The following EXOC4 variants were observed in gnomAD, a reference collection of about 807,000 sequenced individuals.
The protein encoded by EXOC4 is SEC8-like 1.
Under a neutral mutation model 107.2 loss-of-function variants are expected in EXOC4, and 71 were observed. The ratio of observed to expected loss-of-function variants is 0.66; its 90% CI spans 0.55 to 0.81. EXOC4 has a LOEUF of 0.81. Among genes scored for constraint, EXOC4 ranks in the 30% least tolerant of loss-of-function variants. EXOC4 has a pLI of 0.00. For synonymous variants in EXOC4, 456 were observed against 441.2 expected (o/e 1.03, Z -0.42); for missense variants, 1,108 against 1,189.6 (o/e 0.93, Z 1.01).
At chr7:133,277,859 T>TA (rs1794033582) in intron 2 of EXOC4, among the ~76,000 whole-genome samples, 1 of 152,232 alleles carries the variant, frequency 6.6e-6, no homozygotes, top group South Asian at 2.1e-4. Flanking sequence ...GTTTTCTCAC[T>TA]AATCTTTTCC....
At chr7:133,420,966 G>GA (rs995290693) in intron 7 of EXOC4, among the ~76,000 whole-genome samples, 48 of 147,382 alleles carry the variant, frequency 3.3e-4, no homozygotes, top group East Asian at 2.2e-3. Context: ...TTGGGCTTAA[G>GA]AAAAAAAAAA....
In EXOC4 at chr7:133,368,675, AACTGGTATTTATACC is replaced by A. The variant is rs532286406; in HGVS notation, c.1008-6150_1008-6136del. 2.8e-3 allele frequency among the ~76,000 whole-genome samples: 434 copies of A among 152,346 alleles called. 5 individuals carry two copies. Among genetic ancestry groups the A allele is most frequent in the Non-Finnish European group, 1.8e-3 (122 of 68,026 alleles). On this transcript the variant is annotated intron_variant, in intron 6 of 17. Coordinates refer to ENST00000253861, the MANE Select transcript of EXOC4 (RefSeq NM_021807.4). ...AGCTGGTATTCAAGTCCAGGTTTCT[AACTGGTATTTATACC>A]ACATTGCCATCTAGGATTAATATTT...
At chr7:133,294,145 G>A (rs1794466482) in intron 3 of EXOC4, among the ~76,000 whole-genome samples, 1 of 152,172 alleles carries the variant, frequency 6.6e-6, no homozygotes, top group Admixed American at 6.6e-5. Flanking sequence ...CACTCCAGCT[G>A]CTGGTTCTAA....
intron 3 of EXOC4, among the ~76,000 whole-genome samples, chr7:133,302,920 C>T (rs899899513): frequency 6.6e-6 from 1 of 152,194 alleles, no homozygotes; most frequent in African/African-American, 2.4e-5. Flanking sequence ...ACTTCCCATA[C>T]ATTAAAACAA....
chr7:133,971,802 C>A (rs1801245874), intron 14 of EXOC4, among the ~76,000 whole-genome samples: 1 of 152,150 alleles, frequency 6.6e-6, no homozygotes, highest in African/African-American at 2.4e-5. Context: ...CTCTTTATCA[C>A]CAGTGGCAGT....
chr7:133,394,508 T>A (rs1796927435), intron 7 of EXOC4, among the ~76,000 whole-genome samples: 1 of 152,170 alleles, frequency 6.6e-6, no homozygotes, highest in Admixed American at 6.6e-5. Flanking sequence ...TGCATTTCAC[T>A]GGAGGGGCAG....
At chr7:133,939,758 G>T (rs1800385710) in intron 14 of EXOC4, among the ~76,000 whole-genome samples, 1 of 152,098 alleles carries the variant, frequency 6.6e-6, no homozygotes, top group South Asian at 2.1e-4. Context: ...AGGATAGTTT[G>T]GGCACAGTAT....
chr7:133,330,027 C>T (rs1188824905), intron 5 of EXOC4, among the ~76,000 whole-genome samples: 1 of 152,114 alleles, frequency 6.6e-6, no homozygotes, highest in Non-Finnish European at 1.5e-5. Flanking sequence ...CCCACAGCTG[C>T]CCCTTCCCCT....
At chr7:133,768,858 T>C (rs934469058) in intron 10 of EXOC4, among the ~76,000 whole-genome samples, 10 of 151,844 alleles carry the variant, frequency 6.6e-5, no homozygotes, top group African/African-American at 2.4e-4. Flanking sequence ...TTATGAAATA[T>C]TGTGGTAAGT....
intron 1 of EXOC4, among the ~76,000 whole-genome samples, chr7:133,273,658 GA>G (rs1323670976): frequency 6.6e-6 from 1 of 152,152 alleles, no homozygotes; most frequent in African/African-American, 2.4e-5. Flanking sequence ...CTATAAATTG[GA>G]AAAGAAGTTT....
chr7:133,718,171 C>T (rs1428837219), intron 10 of EXOC4, among the ~76,000 whole-genome samples: 1 of 152,132 alleles, frequency 6.6e-6, no homozygotes, highest in Non-Finnish European at 1.5e-5. Flanking sequence ...GCTAAGTCAG[C>T]AAGAGAAAAG....
intron 10 of EXOC4, among the ~76,000 whole-genome samples, chr7:133,719,557 TTAG>T: frequency 6.6e-6 from 1 of 151,898 alleles, no homozygotes; most frequent in South Asian, 2.1e-4. Context: ...CATTAAGCCC[TTAG>T]TTGCAGTGTG....
At chr7:133,870,910 A>G (rs1388240233) in intron 11 of EXOC4, among the ~76,000 whole-genome samples, 3 of 152,150 alleles carry the variant, frequency 2.0e-5, no homozygotes, top group African/African-American at 7.2e-5. Flanking sequence ...TGTTGTGAAG[A>G]TCAAGTCTCA....
chr7:133,824,509 G>C (rs780481531), intron 11 of EXOC4, among the ~76,000 whole-genome samples: 3 of 152,132 alleles, frequency 2.0e-5, no homozygotes, highest in Non-Finnish European at 4.4e-5. Context: ...CCTGGAGTTT[G>C]TCAGCTGGCC....
chr7:133,440,689 G>T (rs1387992953), intron 7 of EXOC4, among the ~76,000 whole-genome samples: 1 of 152,140 alleles, frequency 6.6e-6, no homozygotes, highest in Non-Finnish European at 1.5e-5. Flanking sequence ...ACCTCTGGTG[G>T]TCCTCACTGC....
chr7:133,384,983 A>G (rs1374475056), intron 7 of EXOC4, among the ~76,000 whole-genome samples: 4 of 152,272 alleles, frequency 2.6e-5, no homozygotes, highest in Middle Eastern at 6.8e-3. Flanking sequence ...CATCTGCAGC[A>G]TGGACTGGTT....
intron 9 of EXOC4, among the ~76,000 whole-genome samples, chr7:133,588,501 C>T (rs956076610): frequency 1.3e-5 from 2 of 152,086 alleles, no homozygotes; most frequent in Admixed American, 6.5e-5. Flanking sequence ...TCTCTATTTG[C>T]TCTATAAAAA....
rs1554477961 is a variant in EXOC4, at chr7:133,604,706, C to CTTTTTTTTTTTTTTTTTTTTTT, written c.1418-25336_1418-25335insTTTTTTTTTTTTTTTTTTTTTT. 1.1e-3 allele frequency among the ~76,000 whole-genome samples: 92 copies of CTTTTTTTTTTTTTTTTTTTTTT among 87,526 alleles called. 15 individuals carry two copies. Among genetic ancestry groups the CTTTTTTTTTTTTTTTTTTTTTT allele is most frequent in the Non-Finnish European group, 1.3e-3 (59 of 44,048 alleles). The allele number at this position is 87,526 out of a possible 152,430, so 57.4% of individuals were successfully genotyped here. ...TTTTTCTTTCCTTCCTTCCTTCCTT[C>CTTTTTTTTTTTTTTTTTTTTTT]TTTCTTTTTTTTTTTTTTTTTTTTT... is the stretch of plus-strand genomic sequence containing the variant. On this transcript the variant is annotated intron_variant, in intron 9 of 17. Coordinates refer to ENST00000253861, the MANE Select transcript of EXOC4 (RefSeq NM_021807.4).
chr7:133,878,767 A>G (rs1798902175), intron 11 of EXOC4, among the ~76,000 whole-genome samples: 2 of 152,122 alleles, frequency 1.3e-5, no homozygotes, highest in Admixed American at 1.3e-4. Context: ...TGTGTTGCCC[A>G]ATCTGGAGTG....
Sources: gnomAD v4.1 joint callset for allele counts (sites outside exome capture counted in the v4.1 genomes callset) on GRCh38, gnomAD v4.1.1 for gene constraint, MANE v1.5 for transcripts, NCBI Gene and HGNC (gene_info 2026-07-23, HGNC 2026-07-21) for gene names.